Variants in RNGTT observed in about 807,000 individuals in gnomAD.
RNGTT encodes the protein RNA guanylyltransferase and 5'-phosphatase.
A neutral mutation model predicts 79.3 loss-of-function variants in RNGTT; 33 were observed. The observed-to-expected ratio is 0.42, with a 90% CI of 0.32 to 0.56. The LOEUF is 0.56. Among genes scored for constraint, RNGTT ranks in the 20% least tolerant of loss-of-function variants. The pLI is 0.17. For synonymous variants in RNGTT, 222 were observed against 235.9 expected, an observed-to-expected ratio of 0.94 and a Z score of 0.54; for missense variants, 497 against 739.1, an observed-to-expected ratio of 0.67 and a Z score of 3.80.
chr6:88,795,117 T>C lies in RNGTT; in HGVS notation c.1338+6447A>G, dbSNP rs117572703. Among the ~76,000 whole-genome samples the C allele has an allele frequency of 9.7e-3, 1,471 of 152,360 alleles. 14 individuals are homozygous for C. Among genetic ancestry groups the C allele is most frequent in the Non-Finnish European group, 0.014 (977 of 68,030 alleles). ...AAAAGTGATGATAGAGGAATAGTTA[T>C]TTAATGCAAATATGTATGTGTCAAT... On this transcript the variant is annotated intron_variant, in intron 12 of 15. Transcript: ENST00000369485.
intron 4 of RNGTT, among the ~76,000 whole-genome samples, chr6:88,910,527 G>A (rs1413938974): frequency 2.0e-5 from 3 of 152,076 alleles, no homozygotes; most frequent in East Asian, 1.9e-4. Flanking sequence ...TACAACCCAC[G>A]ATATTCCTAA....
chr6:88,889,482 C>T (rs928941087), intron 8 of RNGTT, among the ~76,000 whole-genome samples: 14 of 152,004 alleles, frequency 9.2e-5, no homozygotes, highest in Non-Finnish European at 2.1e-4. Context: ...AGTATAACTG[C>T]CACTTAAGAC....
At chr6:88,958,459 G>A (rs1421580077) in intron 1 of RNGTT, among the ~76,000 whole-genome samples, 13 of 152,196 alleles carry the variant, frequency 8.5e-5, no homozygotes, top group East Asian at 7.7e-4. Flanking sequence ...GAAAATCTTC[G>A]CAAACTATGC....
intron 14 of RNGTT, among the ~76,000 whole-genome samples, chr6:88,675,182 TC>T (rs1357797620): frequency 2.0e-5 from 3 of 152,182 alleles, no homozygotes; most frequent in South Asian, 4.1e-4. Flanking sequence ...CTCAACTCTT[TC>T]CTTTTTATAA....
chr6:88,853,896 G>T, intron 8 of RNGTT, 132 bp from the exon 9 acceptor site: 2 of 460,710 alleles, frequency 4.3e-6, no homozygotes, highest in Non-Finnish European at 7.7e-6. Context: ...TCTTTATCAT[G>T]TAGATTAAAG....
At position 88,769,850 on chromosome 6, in the gene RNGTT, C is replaced by T. The variant is rs1015121190; in HGVS notation, c.1363G>A (p.Asp455Asn). ...CTGGGAGGCTTCCATTTCAAAATAT[C>T]ATCACATCGACCAGGTTTGTATTTC... ...TGKYKPGRCD[D>N]ILKWKPPSLN... The change falls in exon 13 of 16, where the codon GAT becomes AAT. Residue 455 changes from aspartate (D) to asparagine (N), a missense_variant. By Grantham distance (23) the Asp-to-Asn change is conservative. Around this residue, in one of 3 missense-constraint regions of RNGTT, gnomAD observed 440 missense variants for 671.5 expected, o/e 0.66. Coordinates refer to ENST00000369485, the MANE Select transcript of RNGTT (RefSeq NM_003800.5). The T allele has an allele frequency of 1.2e-6, 2 of 1,610,896 alleles. No individual in the cohort carries two copies.
At chr6:88,663,949 T>C (rs986295122) in intron 14 of RNGTT, among the ~76,000 whole-genome samples, 3 of 152,140 alleles carry the variant, frequency 2.0e-5, no homozygotes, top group African/African-American at 2.4e-5. Flanking sequence ...CAAACTATTA[T>C]CCAAACTCAT....
At chr6:88,826,860 A>G (rs1780683552) in intron 11 of RNGTT, among the ~76,000 whole-genome samples, 1 of 146,804 alleles carries the variant, frequency 6.8e-6, no homozygotes, top group African/African-American at 2.5e-5. Flanking sequence ...GTGTGTATAT[A>G]TATATATATA....
At chr6:88,631,230 T>C (rs977137222) in intron 14 of RNGTT, among the ~76,000 whole-genome samples, 2 of 152,254 alleles carry the variant, frequency 1.3e-5, no homozygotes, top group Admixed American at 6.5e-5. Context: ...TTGTAGCATG[T>C]ACTATGTTGC....
At chr6:88,938,182 TA>T (rs2127957436) in intron 2 of RNGTT, among the ~76,000 whole-genome samples, 1 of 152,332 alleles carries the variant, frequency 6.6e-6, no homozygotes, top group South Asian at 2.1e-4. Context: ...TTAGATATAA[TA>T]ATATTTGCTT....
chr6:88,890,665 T>A (rs1226906045), intron 7 of RNGTT, 69 bp from the exon 8 acceptor site: 18 of 954,006 alleles, frequency 1.9e-5, no homozygotes, highest in Admixed American at 6.9e-5. Flanking sequence ...CTTAAACCAA[T>A]CTCAAATGAA....
At chr6:88,890,329 C>T (rs1298803763) in intron 8 of RNGTT, among the ~76,000 whole-genome samples, 166 bp downstream of exon 8, 1 of 152,202 alleles carries the variant, frequency 6.6e-6, no homozygotes, top group Non-Finnish European at 1.5e-5. Context: ...TTGTGCTATA[C>T]AGCTTAGAAC....
chr6:88,817,440 A>G (rs113521114), intron 11 of RNGTT, among the ~76,000 whole-genome samples: 1,846 of 149,736 alleles, frequency 0.012, 35 homozygotes, highest in African/African-American at 0.043. Context: ...CCAGGAATTT[A>G]AGACCAGCCT....
chr6:88,734,258 T>C (rs1392886328), intron 13 of RNGTT, among the ~76,000 whole-genome samples: 2 of 152,046 alleles, frequency 1.3e-5, no homozygotes, highest in African/African-American at 2.4e-5. Context: ...AAAGCAGATA[T>C]AGATTACTTG....
At position 88,844,573 on chromosome 6, in the gene RNGTT, A is replaced by C. The variant is rs1356464192; in HGVS notation, c.1105-52T>G. On this transcript the variant is annotated intron_variant, in intron 10 of 15. Coordinates refer to ENST00000369485, the MANE Select transcript of RNGTT (RefSeq NM_003800.5). The stretch of plus-strand genomic sequence containing the variant: ...TTTCAACACTAACAACTATTTTATC[A>C]GCATAATTATCAAGGCTGCCACAAT... The C allele has an allele frequency of 2.6e-6, 4 of 1,519,376 alleles. No individual in the cohort carries two copies. The African/African-American group carries it at 4.2e-5, about 16-fold the overall frequency. 94.1% of individuals were successfully genotyped at this position (1,519,376 alleles called of 1,614,324 possible). A position where few individuals can be genotyped will look rare whatever the true frequency, so the allele number is the denominator to read the frequency against.
At position 88,761,619 on chromosome 6, in the gene RNGTT, A is replaced by G. The variant is rs148799357; in HGVS notation, c.1439+8155T>C. 7.3e-3 allele frequency among the ~76,000 whole-genome samples: 1,112 copies of G among 152,330 alleles called. 3 individuals carry two copies. Among genetic ancestry groups the G allele is most frequent in the Non-Finnish European group, 0.01 (706 of 68,030 alleles). ...ACTGTAAATCCACAGTTGGCAAACTATAGTCTACAGGCCACATCTGGCCTC... is the reference window on the plus strand; with the variant it reads ...ACTGTAAATCCACAGTTGGCAAACTGTAGTCTACAGGCCACATCTGGCCTC... On this transcript the variant is annotated intron_variant, in intron 13 of 15. Coordinates refer to ENST00000369485, the MANE Select transcript of RNGTT (RefSeq NM_003800.5).
At chr6:88,683,829 A>G (rs758594109) in intron 13 of RNGTT, among the ~76,000 whole-genome samples, 2 of 152,108 alleles carry the variant, frequency 1.3e-5, no homozygotes, top group African/African-American at 2.4e-5. Flanking sequence ...AGCCTGGGCA[A>G]CATAGCAAGA....
chr6:88,662,536 C>T (rs1774227063), intron 14 of RNGTT, among the ~76,000 whole-genome samples: 1 of 152,204 alleles, frequency 6.6e-6, no homozygotes, highest in Non-Finnish European at 1.5e-5. Flanking sequence ...TGATTAAAGC[C>T]TCTTCCTTCA....
chr6:88,711,946 T>A (rs1426774266), intron 13 of RNGTT, among the ~76,000 whole-genome samples: 1 of 152,180 alleles, frequency 6.6e-6, no homozygotes, highest in Non-Finnish European at 1.5e-5. Context: ...TTAAGACTAC[T>A]GGGAAAACAA....
Sources: allele counts gnomAD v4.1 joint callset (sites outside exome capture counted in the v4.1 genomes callset), GRCh38; gene constraint gnomAD v4.1.1; regional missense constraint gnomAD v4.1.1; transcripts MANE v1.5; gene names NCBI Gene and HGNC (gene_info 2026-07-23, HGNC 2026-07-21).